Variants in RALGPS2 observed in about 807,000 individuals in gnomAD.
RALGPS2 encodes the protein ras-specific guanine nucleotide-releasing factor RalGPS2.
Under a neutral mutation model 86.8 loss-of-function variants are expected in RALGPS2, and 43 were observed. That is an observed-to-expected ratio of 0.50 (90% CI 0.39 to 0.64). RALGPS2 has a LOEUF of 0.64. RALGPS2 is among the 30% of genes least tolerant of loss of function. The probability of loss-of-function intolerance (pLI) is 0.00; values close to 1 mark genes in which losing one functional copy is unlikely to be tolerated. For synonymous variants in RALGPS2, 243 were observed against 231.3 expected (o/e 1.05, Z -0.46); for missense variants, 536 against 694.6 (o/e 0.77, Z 2.57).
intron 5 of RALGPS2, 36 bp from the exon 6 acceptor site, chr1:178,811,279 A>C: frequency 6.9e-7 from 1 of 1,451,590 alleles, no homozygotes. Context: ...CAAATTAAAA[A>C]TCATAGTGAT....
chr1:178,787,920 T>G (rs996753150), intron 4 of RALGPS2, among the ~76,000 whole-genome samples: 1 of 152,234 alleles, frequency 6.6e-6, no homozygotes, highest in Admixed American at 6.5e-5. Context: ...ATCTGTTGGA[T>G]CTGTTCATGT....
chr1:178,790,864 C>T (rs986152632), intron 4 of RALGPS2, among the ~76,000 whole-genome samples: 1 of 152,112 alleles, frequency 6.6e-6, no homozygotes, highest in Non-Finnish European at 1.5e-5. Flanking sequence ...TCTTTATTAA[C>T]ATAAAATGAT....
intron 8 of RALGPS2, among the ~76,000 whole-genome samples, chr1:178,872,972 A>G (rs892048626): frequency 1.3e-5 from 2 of 152,192 alleles, no homozygotes; most frequent in Admixed American, 1.3e-4. Flanking sequence ...GGTTAATGAC[A>G]GACCATGATA....
chr1:178,769,299 A>T (rs1652665458), intron 1 of RALGPS2, among the ~76,000 whole-genome samples: 2 of 150,208 alleles, frequency 1.3e-5, no homozygotes, highest in African/African-American at 4.9e-5. Context: ...CACAAGAAGG[A>T]TGGGGTGACT....
At chr1:178,865,878 A>G (rs1658373489) in intron 8 of RALGPS2, 5 of 872,788 alleles carry the variant, frequency 5.7e-6, no homozygotes, top group African/African-American at 1.7e-5. Context: ...CAGTAATCTT[A>G]AAAACTATCT....
chr1:178,747,833 A>G (rs555628109), intron 1 of RALGPS2: 189 of 614,802 alleles, frequency 3.1e-4, no homozygotes, highest in Non-Finnish European at 2.5e-4. Context: ...CAGAGAGCCT[A>G]TATTACATTA....
chr1:178,730,222 G>A (rs1261328129), intron 1 of RALGPS2, among the ~76,000 whole-genome samples: 1 of 152,170 alleles, frequency 6.6e-6, no homozygotes, highest in Non-Finnish European at 1.5e-5. Flanking sequence ...GATTACAGGT[G>A]TGAGCCACCA....
intron 8 of RALGPS2, among the ~76,000 whole-genome samples, chr1:178,862,194 A>G (rs1017159890): frequency 1.3e-5 from 2 of 152,004 alleles, no homozygotes; most frequent in African/African-American, 2.4e-5. Flanking sequence ...AATGATAATC[A>G]TTTACTTAAT....
chr1:178,826,310 G>T (rs1655740529), intron 7 of RALGPS2, among the ~76,000 whole-genome samples: 1 of 152,174 alleles, frequency 6.6e-6, no homozygotes, highest in South Asian at 2.1e-4. Flanking sequence ...ACATCTAACA[G>T]TGGATGAATG....
chr1:178,855,640 A>G (rs561395584), intron 8 of RALGPS2, among the ~76,000 whole-genome samples: 23 of 151,618 alleles, frequency 1.5e-4, no homozygotes, highest in Non-Finnish European at 2.9e-4. Context: ...TATAGTTTTT[A>G]TTTCTCTTTT....
At chr1:178,843,793 G>A (rs1374661699) in intron 8 of RALGPS2, among the ~76,000 whole-genome samples, 2 of 152,116 alleles carry the variant, frequency 1.3e-5, no homozygotes, top group Admixed American at 6.5e-5. Flanking sequence ...ATGTGAAGAA[G>A]CATCTTGATT....
intron 8 of RALGPS2, among the ~76,000 whole-genome samples, chr1:178,856,420 T>G (rs947934370): frequency 1.4e-4 from 17 of 120,562 alleles, no homozygotes; most frequent in African/African-American, 5.9e-4. Flanking sequence ...TTTTTTTTTT[T>G]TTTTTTGAGA....
chr1:178,828,041 G>A (rs1655836056), intron 7 of RALGPS2, among the ~76,000 whole-genome samples: 1 of 152,296 alleles, frequency 6.6e-6, no homozygotes, highest in Non-Finnish European at 1.5e-5. Flanking sequence ...AAAGCTTCTT[G>A]ACAGTGGATC....
chr1:178,788,923 T>G (rs1460314228), intron 4 of RALGPS2, among the ~76,000 whole-genome samples: 1 of 151,448 alleles, frequency 6.6e-6, no homozygotes, highest in Non-Finnish European at 1.5e-5. Flanking sequence ...TCTTTTTTTT[T>G]GACAATCTTG....
At chr1:178,829,036 A>G (rs541789115) in intron 7 of RALGPS2, among the ~76,000 whole-genome samples, 1 of 152,354 alleles carries the variant, frequency 6.6e-6, no homozygotes, top group South Asian at 2.1e-4. Flanking sequence ...CCATCAGCAG[A>G]TGAATGGATA....
intron 1 of RALGPS2, among the ~76,000 whole-genome samples, chr1:178,757,051 G>C (rs993035816): frequency 6.6e-6 from 1 of 151,900 alleles, no homozygotes; most frequent in Non-Finnish European, 1.5e-5. Context: ...TAGGTATTTT[G>C]TTGTTGTTGA....
intron 1 of RALGPS2, among the ~76,000 whole-genome samples, chr1:178,744,229 A>G (rs1651185390): frequency 6.6e-6 from 1 of 152,242 alleles, no homozygotes; most frequent in Admixed American, 6.5e-5. Context: ...AATTCACTAC[A>G]TTAAGTAAAA....
chr1:178,754,777 A>G (rs901487611), intron 1 of RALGPS2, among the ~76,000 whole-genome samples: 5 of 152,196 alleles, frequency 3.3e-5, no homozygotes, highest in African/African-American at 1.2e-4. Context: ...ACCTTCTACT[A>G]AATTTACCAG....
At chr1:178,904,024 A>G (rs922412115) in intron 18 of RALGPS2, among the ~76,000 whole-genome samples, 2 of 151,306 alleles carry the variant, frequency 1.3e-5, no homozygotes, top group Non-Finnish European at 3.0e-5. Flanking sequence ...CTGTTTTTTT[A>G]TTTTTTTTAT....
Sources: allele counts gnomAD v4.1 joint callset (sites outside exome capture counted in the v4.1 genomes callset), GRCh38; gene constraint gnomAD v4.1.1; transcripts MANE v1.5; gene names NCBI Gene and HGNC (gene_info 2026-07-23, HGNC 2026-07-21).